The following COMMD1 variants were observed in gnomAD, a reference collection of about 807,000 sequenced individuals.
COMMD1 encodes copper metabolism domain containing 1.
COMMD1 carries 10 observed loss-of-function variants against 17.2 expected under a neutral mutation model. That is an observed-to-expected ratio of 0.58 (90% CI 0.36 to 0.99). The LOEUF (loss-of-function observed/expected upper bound fraction) is 0.99, where lower values mean the gene tolerates loss of function less well. Among genes scored for constraint, COMMD1 ranks in the 50% least tolerant of loss-of-function variants. COMMD1 has a pLI of 0.01. For synonymous variants in COMMD1, 97 were observed against 91.6 expected (o/e 1.06, Z -0.34); for missense variants, 270 against 231.8 (o/e 1.17, Z -1.07).
At chr2:61,935,741 A>G (rs1012340649) in intron 1 of COMMD1, among the ~76,000 whole-genome samples, 1 of 152,210 alleles carries the variant, frequency 6.6e-6, no homozygotes, top group Non-Finnish European at 1.5e-5. Flanking sequence ...TTCCAAATCT[A>G]ATCTTATTAA....
rs902638023 is a variant in COMMD1, at chr2:61,925,867, G to A, written c.180+20009G>A. ...CTTTCAGGAAAACTATTTACATTAG[G>A]GATGTGTATTTAGATCCACTGACAA... On this transcript the variant is annotated intron_variant, in intron 1 of 2. Coordinates refer to ENST00000311832, the MANE Select transcript of COMMD1 (RefSeq NM_152516.4). Among the ~76,000 whole-genome samples the A allele has an allele frequency of 2.0e-5, 3 of 152,110 alleles. No individual in the cohort carries two copies. In the East Asian group the frequency reaches 5.8e-4, roughly 29 times the overall value.
intron 2 of COMMD1, among the ~76,000 whole-genome samples, chr2:62,025,167 C>T (rs1279681587): frequency 6.6e-6 from 1 of 151,956 alleles, no homozygotes; most frequent in African/African-American, 2.4e-5. Context: ...TTGCAATGAG[C>T]CAAGATTGCA....
chr2:61,987,715 T>G (rs972044323), intron 1 of COMMD1, among the ~76,000 whole-genome samples: 8 of 152,226 alleles, frequency 5.3e-5, no homozygotes, highest in African/African-American at 1.7e-4. Flanking sequence ...GACTCTACAA[T>G]CAGCAGATGG....
At chr2:62,076,540 A>C (rs1341946937) in intron 2 of COMMD1, among the ~76,000 whole-genome samples, 1 of 152,216 alleles carries the variant, frequency 6.6e-6, no homozygotes, top group African/African-American at 2.4e-5. Context: ...TGAGCCCTGG[A>C]GTTCGAGACC....
At chr2:62,073,063 C>T (rs569457221) in intron 2 of COMMD1, among the ~76,000 whole-genome samples, 2 of 152,238 alleles carry the variant, frequency 1.3e-5, no homozygotes, top group South Asian at 4.1e-4. Flanking sequence ...AATTCTGTGT[C>T]ACTGCCCTGT....
At chr2:61,965,110 T>C (rs2103706581) in intron 1 of COMMD1, among the ~76,000 whole-genome samples, 1 of 152,340 alleles carries the variant, frequency 6.6e-6, no homozygotes, top group East Asian at 1.9e-4. Flanking sequence ...TTTTATGTTT[T>C]TAGCTAGTTG....
Position 61,905,717 on chromosome 2 carries a change from C to G in COMMD1, c.39C>G (p.Ser13Arg), listed in dbSNP as rs1295931591. The G allele has an allele frequency of 3.1e-6, 5 of 1,604,564 alleles. No individual in the cohort carries two copies. Among genetic ancestry groups the G allele is most frequent in the Non-Finnish European group, 3.4e-6 (4 of 1,174,912 alleles). The change falls in exon 1 of 3, where the codon AGC (serine) becomes AGG (arginine). Residue 13 changes from serine (S) to arginine (R), a missense_variant. Transcript: ENST00000311832. ...AGELEGGKPL[S>R]GLLNALAQDT... ...AGCTTGAGGGTGGCAAACCCCTGAGCGGGCTGCTGAATGCGCTGGCCCAGG... is the reference window on the plus strand; with the variant it reads ...AGCTTGAGGGTGGCAAACCCCTGAGGGGGCTGCTGAATGCGCTGGCCCAGG...
chr2:61,888,872 C>G (rs1669338163), intron 1 of COMMD1: 1 of 263,492 alleles, frequency 3.8e-6, no homozygotes, highest in Non-Finnish European at 7.2e-6. Context: ...CTCACTCCAC[C>G]TTGCACGGCT....
At chr2:62,111,272 A>G (rs1672448064) in intron 2 of COMMD1, among the ~76,000 whole-genome samples, 2 of 152,230 alleles carry the variant, frequency 1.3e-5, no homozygotes, top group Admixed American at 6.5e-5. Flanking sequence ...TGACACGCCA[A>G]CAAGGACAGG....
intron 1 of COMMD1, among the ~76,000 whole-genome samples, chr2:61,980,688 A>G (rs10195929): frequency 6.8e-6 from 1 of 146,200 alleles, no homozygotes; most frequent in Admixed American, 6.9e-5. Context: ...ATTTTCTCCC[A>G]TGTTGTAGGT....
rs1045161635 is a variant in COMMD1, at chr2:62,063,792, G to T, written c.462+62810G>T. On this transcript the variant is annotated intron_variant, in intron 2 of 2. Coordinates refer to ENST00000311832, the MANE Select transcript of COMMD1 (RefSeq NM_152516.4). ...TTTTCATTTCAAGAAATTCTATTTC[G>T]CTTTTTTTTCATATCTGGTCATTTA... 4.8e-5 allele frequency among the ~76,000 whole-genome samples: 7 copies of T among 144,824 alleles called. No individual in the cohort carries two copies. The South Asian group carries it at 6.5e-4, about 14-fold the overall frequency.
intron 2 of COMMD1, among the ~76,000 whole-genome samples, chr2:62,112,013 G>C (rs1470375702): frequency 1.3e-5 from 2 of 152,142 alleles, no homozygotes; most frequent in Non-Finnish European, 2.9e-5. Context: ...TGGTAATGTA[G>C]GTGAGGAAAA....
At chr2:62,096,271 A>G (rs2104010255) in intron 2 of COMMD1, among the ~76,000 whole-genome samples, 1 of 152,364 alleles carries the variant, frequency 6.6e-6, no homozygotes, top group East Asian at 1.9e-4. Context: ...ATATTGGGCA[A>G]AAAACTAAGA....
intron 2 of COMMD1, among the ~76,000 whole-genome samples, chr2:62,063,081 G>T (rs1670915315): frequency 6.6e-6 from 1 of 151,976 alleles, no homozygotes; most frequent in Admixed American, 6.6e-5. Flanking sequence ...GCTGGGTGTG[G>T]TGGCAGGTGC....
At chr2:62,104,318 C>G (rs1320999172) in intron 2 of COMMD1, among the ~76,000 whole-genome samples, 1 of 150,900 alleles carries the variant, frequency 6.6e-6, no homozygotes, top group Non-Finnish European at 1.5e-5. Flanking sequence ...ATAGTGAGAC[C>G]CCATCTCTAC....
intron 1 of COMMD1, among the ~76,000 whole-genome samples, chr2:61,915,993 C>T (rs1185544407): frequency 6.6e-6 from 1 of 151,802 alleles, no homozygotes; most frequent in East Asian, 1.9e-4. Flanking sequence ...TTATTTGAGA[C>T]AAGGTCTCAC....
intron 2 of COMMD1, among the ~76,000 whole-genome samples, chr2:62,025,035 TG>T (rs1669718299): frequency 6.6e-6 from 1 of 152,120 alleles, no homozygotes; most frequent in South Asian, 2.1e-4. Context: ...AAGACCAGCC[TG>T]GCCAAGAACC....
intron 1 of COMMD1, among the ~76,000 whole-genome samples, chr2:61,933,654 C>T (rs980705808): frequency 3.3e-5 from 5 of 152,106 alleles, no homozygotes; most frequent in African/African-American, 1.2e-4. Flanking sequence ...AGGTACAGCC[C>T]CTCAACCTTG....
chr2:62,027,340 C>A (rs903114646), intron 2 of COMMD1, among the ~76,000 whole-genome samples: 1 of 152,140 alleles, frequency 6.6e-6, no homozygotes, highest in Admixed American at 6.5e-5. Context: ...GTAATTTGAT[C>A]TAATGAGTTG....
Sources: allele counts gnomAD v4.1 joint callset (sites outside exome capture counted in the v4.1 genomes callset), GRCh38; gene constraint gnomAD v4.1.1; transcripts MANE v1.5; gene names NCBI Gene and HGNC (gene_info 2026-07-23, HGNC 2026-07-21).